ARHGAP35: variants seen among roughly 807,000 people sequenced by gnomAD.
ARHGAP35 encodes rho GTPase-activating protein 35.
In ARHGAP35, 15 loss-of-function variants were observed where a neutral mutation model predicts 111.1. The observed-to-expected ratio is 0.13, with a 90% CI of 0.09 to 0.21. The LOEUF is 0.21. Ranked by LOEUF, ARHGAP35 falls within the 10% of genes least tolerant of loss-of-function variation. ARHGAP35 has a pLI of 1.00. For missense variants in ARHGAP35, 1,262 were observed against 1,873.0 expected (o/e 0.67, Z 6.02); for synonymous variants, 643 against 710.3 (o/e 0.91, Z 1.51).
chr19:46,879,840 C>CT (rs1485656036), intron 1 of ARHGAP35, among the ~76,000 whole-genome samples: 1 of 148,412 alleles, frequency 6.7e-6, no homozygotes, highest in East Asian at 2.0e-4. Flanking sequence ...GACCCCAGCA[C>CT]TTTGAGAGGC....
intron 3 of ARHGAP35, among the ~76,000 whole-genome samples, chr19:46,974,486 A>G (rs76039059): frequency 0.017 from 2,649 of 152,294 alleles, 92 homozygotes; most frequent in African/African-American, 0.059. Flanking sequence ...TATAAAGGAT[A>G]TAACTCAGGA....
Position 46,989,134 on chromosome 19 carries a change from C to T in ARHGAP35, c.3905-410C>T, listed in dbSNP as rs897624147. On this transcript the variant is annotated intron_variant, in intron 4 of 6. Coordinates refer to ENST00000672722, the MANE Select transcript of ARHGAP35 (RefSeq NM_004491.5). This position sits in a 1 kb window ranked among gnomAD's most constrained non-coding sequence, Gnocchi z 5.3. ...AGGGGACAAGGATGGAGGCAGCAGT[C>T]ACAGTGGTTGCTAACATCTTTGTGA... is the stretch of plus-strand genomic sequence containing the variant. 1 of 181,814 alleles carries T rather than the reference C, an allele frequency of 5.5e-6. No homozygotes were observed. The highest frequency in any genetic ancestry group is 2.3e-5 in the African/African-American group (1 of 43,106). 11.3% of individuals were successfully genotyped at this position (181,814 alleles called of 1,614,324 possible).
intron 3 of ARHGAP35, among the ~76,000 whole-genome samples, chr19:46,987,327 T>G (rs1433356906): frequency 6.6e-6 from 1 of 150,706 alleles, no homozygotes; most frequent in East Asian, 2.0e-4. Context: ...GCAATTCTCC[T>G]GCCTCAGCCT....
intron 3 of ARHGAP35, among the ~76,000 whole-genome samples, chr19:46,958,185 C>T (rs766499919): frequency 9.5e-4 from 145 of 152,250 alleles, no homozygotes; most frequent in Admixed American, 1.6e-3. Flanking sequence ...AGATCGAGAC[C>T]ATCCTGGCTT....
Position 46,980,766 on chromosome 19 carries a change from A to G in ARHGAP35, c.3827-7223A>G, listed in dbSNP as rs976419628. Among the ~76,000 whole-genome samples, 5 of 152,208 alleles carry G rather than the reference A, an allele frequency of 3.3e-5. No individual in the cohort carries two copies. In the East Asian group the frequency reaches 9.6e-4, roughly 29 times the overall value. On this transcript the variant is annotated intron_variant, in intron 3 of 6. Transcript: ENST00000672722. ...CAGATTAGCTGAGGTCAGGGGCAGG[A>G]TTCGAACCCATGTCTCCCTGACAGC...
chr19:46,979,929 C>A (rs761952700), intron 3 of ARHGAP35, among the ~76,000 whole-genome samples: 29 of 152,026 alleles, frequency 1.9e-4, no homozygotes, highest in Non-Finnish European at 4.0e-4. Flanking sequence ...AGAAAACCAC[C>A]CAGGCACCTC....
chr19:46,973,098 C>T (rs1255668171), intron 3 of ARHGAP35, among the ~76,000 whole-genome samples: 3 of 152,234 alleles, frequency 2.0e-5, no homozygotes, highest in Non-Finnish European at 4.4e-5. Context: ...TGCAGTGGCT[C>T]ACGCCTGTAA....
intron 3 of ARHGAP35, among the ~76,000 whole-genome samples, chr19:46,965,312 T>G (rs2056507566): frequency 6.6e-6 from 1 of 151,538 alleles, no homozygotes; most frequent in Non-Finnish European, 1.5e-5. Context: ...AGACTTCATC[T>G]CAAAAAAAAA....
At chr19:46,881,685 G>C (rs970010142) in intron 1 of ARHGAP35, among the ~76,000 whole-genome samples, 1 of 152,188 alleles carries the variant, frequency 6.6e-6, no homozygotes, top group Non-Finnish European at 1.5e-5. Context: ...TTTCAGAATA[G>C]TAAATAAGCA....
chr19:46,871,334 T>C (rs568373736), intron 1 of ARHGAP35, among the ~76,000 whole-genome samples: 2 of 152,290 alleles, frequency 1.3e-5, no homozygotes, highest in Admixed American at 1.3e-4. Flanking sequence ...GAAAGTAGTT[T>C]AGCAATGTTT....
At chr19:46,897,447 CTT>C (rs397749963) in intron 1 of ARHGAP35, among the ~76,000 whole-genome samples, 38 of 134,988 alleles carry the variant, frequency 2.8e-4, no homozygotes, top group Non-Finnish European at 2.9e-4. Context: ...TTTATTTTGT[CTT>C]TTTTTTTTTT....
intron 2 of ARHGAP35, among the ~76,000 whole-genome samples, chr19:46,929,441 T>C (rs1317078385): frequency 6.6e-6 from 1 of 152,148 alleles, no homozygotes; most frequent in Non-Finnish European, 1.5e-5. Context: ...CTCTACCAGT[T>C]ACAGTTAGTC....
Position 46,937,260 on chromosome 19 carries a change from A to G in ARHGAP35, c.3682-4A>G. On this transcript the variant is annotated splice_region_variant and splice_polypyrimidine_tract_variant and intron_variant, in intron 2 of 6. Transcript: ENST00000672722. ...TTGTGCTTCCCTTTCTCTTTCCTGGACAGAAACCAAAGCCCAAACCCCGGC... is the reference window on the plus strand; with the variant it reads ...TTGTGCTTCCCTTTCTCTTTCCTGGGCAGAAACCAAAGCCCAAACCCCGGC... 1 of 1,613,638 alleles carries G rather than the reference A, an allele frequency of 6.2e-7. No individual in the cohort carries two copies. The highest frequency in any genetic ancestry group is 8.5e-7 in the Non-Finnish European group (1 of 1,179,698).
At chr19:46,898,222 C>T (rs2056066871) in intron 1 of ARHGAP35, among the ~76,000 whole-genome samples, 1 of 144,004 alleles carries the variant, frequency 6.9e-6, no homozygotes. Flanking sequence ...AGCCTGGCTA[C>T]AATGCGAGAC....
intron 3 of ARHGAP35, among the ~76,000 whole-genome samples, chr19:46,937,729 G>A (rs761878548): frequency 3.3e-5 from 5 of 152,214 alleles, no homozygotes; most frequent in Non-Finnish European, 7.3e-5. Context: ...TTGCCTGCCC[G>A]CCTGTGTTCC....
rs577629236 is a variant in ARHGAP35, at chr19:46,901,297, C to T, written c.-188-17191C>T. 6.6e-6 allele frequency among the ~76,000 whole-genome samples: 1 copy of T among 152,354 alleles called. No individual in the cohort carries two copies. Among genetic ancestry groups the T allele is most frequent in the South Asian group, 2.1e-4 (1 of 4,832 alleles). On this transcript the variant is annotated intron_variant, in intron 1 of 6. Coordinates refer to ENST00000672722, the MANE Select transcript of ARHGAP35 (RefSeq NM_004491.5). This position sits in a 1 kb window ranked among gnomAD's most constrained non-coding sequence, Gnocchi z 4.5. ...AGCAGGCCAGGCATAGTGGCTCACCCCTGTAATCCCAGCACTTCGGGAGGC... is the reference window on the plus strand; with the variant it reads ...AGCAGGCCAGGCATAGTGGCTCACCTCTGTAATCCCAGCACTTCGGGAGGC...
At chr19:46,898,339 CA>C (rs977572225) in intron 1 of ARHGAP35, among the ~76,000 whole-genome samples, 1 of 151,292 alleles carries the variant, frequency 6.6e-6, no homozygotes, top group Admixed American at 6.6e-5. Context: ...TCGATTTAGT[CA>C]AAAAAATATA....
At chr19:46,934,526 C>A (rs1205300809) in intron 2 of ARHGAP35, among the ~76,000 whole-genome samples, 2 of 152,136 alleles carry the variant, frequency 1.3e-5, no homozygotes, top group Non-Finnish European at 1.5e-5. Flanking sequence ...TGCCATCATG[C>A]CCGGCTAATT....
At chr19:46,975,004 A>G (rs1468841038) in intron 3 of ARHGAP35, among the ~76,000 whole-genome samples, 2 of 152,032 alleles carry the variant, frequency 1.3e-5, no homozygotes, top group Non-Finnish European at 2.9e-5. Context: ...CTGAGTAGCT[A>G]GGATTACAGG....
Sources: allele counts gnomAD v4.1 joint callset (sites outside exome capture counted in the v4.1 genomes callset), GRCh38; gene constraint gnomAD v4.1.1; non-coding constraint Gnocchi (gnomAD v3.1); transcripts MANE v1.5; gene names NCBI Gene and HGNC (gene_info 2026-07-23, HGNC 2026-07-21).